Variants in USP7 observed in about 807,000 individuals in gnomAD.
USP7 encodes ubiquitin specific peptidase 7, also known as ubiquitin C-terminal hydrolase 7.
A neutral mutation model predicts 162.9 loss-of-function variants in USP7; 9 were observed. That is an observed-to-expected ratio of 0.06 (90% CI 0.03 to 0.10). The LOEUF (loss-of-function observed/expected upper bound fraction) is 0.10, where lower values mean the gene tolerates loss of function less well. Ranked by LOEUF, USP7 falls within the 10% of genes least tolerant of loss-of-function variation. The pLI, the probability that USP7 is intolerant of heterozygous loss-of-function variation, is 1.00. For missense variants in USP7, 715 were observed against 1,373.7 expected (o/e 0.52, Z 7.58); for synonymous variants, 562 against 475.9 (o/e 1.18, Z -2.35).
intron 25 of USP7, among the ~76,000 whole-genome samples, chr16:8,897,834 C>T (rs368373081): frequency 1.1e-4 from 17 of 147,888 alleles, no homozygotes; most frequent in African/African-American, 3.5e-4. Flanking sequence ...AGGAGGTCTA[C>T]GCTGTCGTGG....
chr16:8,940,350 G>A (rs987608578), intron 1 of USP7, among the ~76,000 whole-genome samples: 8 of 152,208 alleles, frequency 5.3e-5, no homozygotes, highest in African/African-American at 1.9e-4. Context: ...CAAATGCTCT[G>A]GTGAGCTCCA....
chr16:8,959,121 G>C (rs1899911609), intron 1 of USP7, among the ~76,000 whole-genome samples: 1 of 152,154 alleles, frequency 6.6e-6, no homozygotes, highest in Non-Finnish European at 1.5e-5. Flanking sequence ...AGATGTGCCT[G>C]GCGATTCCAG....
chr16:8,901,381 C>T lies in USP7; in HGVS notation c.2048-147G>A, dbSNP rs1596355286. 4 of 634,854 alleles carry T rather than the reference C, an allele frequency of 6.3e-6. No homozygotes were observed. The East Asian group carries it at 1.1e-4, about 17-fold the overall frequency. The allele number at this position is 634,854 out of a possible 1,614,324, so 39.3% of individuals were successfully genotyped here. On this transcript the variant is annotated intron_variant, in intron 18 of 30. Transcript: ENST00000344836. ...CAAGTGAAATGACAGCTTAAGGTAC[C>T]TAAAAGTTACTTCAGATGTGGCTTA...
intron 6 of USP7, among the ~76,000 whole-genome samples, chr16:8,918,333 T>G (rs1897492207): frequency 6.6e-6 from 1 of 152,108 alleles, no homozygotes; most frequent in African/African-American, 2.4e-5. Flanking sequence ...AAAATAGAAC[T>G]AACTCATCTA....
At chr16:8,945,261 G>A (rs1054884024) in intron 1 of USP7, among the ~76,000 whole-genome samples, 11 of 152,028 alleles carry the variant, frequency 7.2e-5, no homozygotes, top group Admixed American at 5.9e-4. Flanking sequence ...GTGCACACCT[G>A]TAATCCCAGC....
rs756550597 is a variant in USP7 at position 8,921,250 on chromosome 16, G to A, written c.429C>T (p.Tyr143=). The change falls in exon 4 of 31, where the codon TAC becomes TAT. Residue 143 remains tyrosine, a synonymous_variant. Transcript: ENST00000344836. ...GACTGAACGACTTTTCATCATCTCT[G>A]TAATTTATTATCTTCAGCACTGCTT... The part of the protein sequence containing the change: ...HAQAVLKIIN[Y]RDDEKSFSRR... 1.9e-6 allele frequency: 3 copies of A among 1,614,040 alleles called. No individual in the cohort carries two copies. Among genetic ancestry groups the A allele is most frequent in the Non-Finnish European group, 1.7e-6 (2 of 1,180,002 alleles).
At chr16:8,919,578 C>T (rs1464654744) in intron 5 of USP7, among the ~76,000 whole-genome samples, 1 of 152,106 alleles carries the variant, frequency 6.6e-6, no homozygotes, top group Non-Finnish European at 1.5e-5. Context: ...CCAAGTTTCA[C>T]CTCAGACTTC....
chr16:8,930,767 G>C (rs572706472), intron 1 of USP7, among the ~76,000 whole-genome samples: 3 of 152,106 alleles, frequency 2.0e-5, no homozygotes, highest in African/African-American at 7.2e-5. Flanking sequence ...CCAGGAGTTC[G>C]AGACCAGGCT....
At chr16:8,936,361 C>T (rs1374191364) in intron 1 of USP7, among the ~76,000 whole-genome samples, 1 of 152,158 alleles carries the variant, frequency 6.6e-6, no homozygotes, top group African/African-American at 2.4e-5. Context: ...CCTCTCTTGA[C>T]CTCTCATCTC....
chr16:8,923,453 T>C (rs370642985), intron 2 of USP7, 40 bp from the exon 3 acceptor site: 138 of 1,605,580 alleles, frequency 8.6e-5, no homozygotes, highest in Middle Eastern at 3.4e-4. Flanking sequence ...AGCCTGTGCA[T>C]TGACCAAAAG....
intron 6 of USP7, among the ~76,000 whole-genome samples, chr16:8,918,407 C>CT (rs1481373569): frequency 2.0e-5 from 3 of 152,204 alleles, no homozygotes; most frequent in African/African-American, 7.2e-5. Context: ...GTTGCATTGA[C>CT]TTTTCAACTC....
intron 21 of USP7, chr16:8,900,056 A>T (rs2061749687): frequency 4.3e-6 from 2 of 465,238 alleles, no homozygotes; most frequent in Non-Finnish European, 7.7e-6. Flanking sequence ...ACCCAGACGC[A>T]GTGTCTTGCC....
intron 1 of USP7, among the ~76,000 whole-genome samples, chr16:8,936,249 T>C (rs1236940592): frequency 3.3e-5 from 5 of 152,234 alleles, no homozygotes. Context: ...CAGATACGCA[T>C]GGGCCAACAC....
chr16:8,936,701 C>A lies in USP7; in HGVS notation c.80-6304G>T, dbSNP rs183696531. 1.7e-3 allele frequency: 2,541 copies of A among 1,459,130 alleles called. 8 individuals are homozygous for A. Among genetic ancestry groups the A allele is most frequent in the Non-Finnish European group, 2.0e-3 (2,189 of 1,109,462 alleles). 90.4% of individuals were successfully genotyped at this position (1,459,130 alleles called of 1,614,324 possible). On this transcript the variant is annotated intron_variant, in intron 1 of 30. Coordinates refer to ENST00000344836, the MANE Select transcript of USP7 (RefSeq NM_003470.3). ...AGTGACTGCATAGAATCTCTAGGAG[C>A]TCTACCTCAGCATTCTTTTTTATTT...
Position 8,930,111 on chromosome 16 carries a change from C to T in USP7, c.184+182G>A, listed in dbSNP as rs542331676. 5.3e-5 allele frequency among the ~76,000 whole-genome samples: 8 copies of T among 152,314 alleles called. No individual in the cohort carries two copies. The East Asian group carries it at 1.5e-3, about 29-fold the overall frequency. On this transcript the variant is annotated intron_variant, in intron 2 of 30. Coordinates refer to ENST00000344836, the MANE Select transcript of USP7 (RefSeq NM_003470.3). ...GGCTAGGGAGACTCTACTTACCTGG[C>T]AATGGTGTAGGCAATCTTGAAACTC...
chr16:8,929,395 T>C, intron 2 of USP7: 1 of 437,436 alleles, frequency 2.3e-6, no homozygotes, highest in Non-Finnish European at 4.6e-6. Context: ...CTCAGCCAGC[T>C]GCCAGGGGTA....
intron 1 of USP7, among the ~76,000 whole-genome samples, chr16:8,958,723 T>A (rs1471552596): frequency 6.6e-6 from 1 of 152,158 alleles, no homozygotes; most frequent in East Asian, 1.9e-4. Context: ...GCTCTAGCAC[T>A]CACGCAAGAA....
At chr16:8,910,687 G>T (rs1156855329) in intron 11 of USP7, 58 bp downstream of exon 11, 8 of 1,475,952 alleles carry the variant, frequency 5.4e-6, no homozygotes, top group Non-Finnish European at 7.5e-6. Context: ...GCAATTAAAA[G>T]AATTGAAAAT....
intron 1 of USP7, among the ~76,000 whole-genome samples, chr16:8,957,548 A>T (rs1051234289): frequency 6.6e-6 from 1 of 151,668 alleles, no homozygotes; most frequent in African/African-American, 2.4e-5. Flanking sequence ...ATTCCACACC[A>T]GCCTGAACAT....
Sources: gnomAD v4.1 joint callset for allele counts (sites outside exome capture counted in the v4.1 genomes callset) on GRCh38, gnomAD v4.1.1 for gene constraint, MANE v1.5 for transcripts, NCBI Gene and HGNC (gene_info 2026-07-23, HGNC 2026-07-21) for gene names.